BDKRB2: variants seen among roughly 807,000 people sequenced by gnomAD.
The protein encoded by BDKRB2 is bradykinin receptor B2.
Under a neutral mutation model 4.0 loss-of-function variants are expected in BDKRB2, and 6 were observed. The ratio of observed to expected loss-of-function variants is 1.49; its 90% confidence interval spans 0.81 to 2.93. The LOEUF (loss-of-function observed/expected upper bound fraction) is 2.93, where lower values mean the gene tolerates loss of function less well. Ranked by LOEUF, BDKRB2 falls within the 30% of genes most tolerant of loss-of-function variation. The pLI, the probability that BDKRB2 is intolerant of heterozygous loss-of-function variation, is 0.00. For synonymous variants in BDKRB2, 225 were observed against 215.3 expected, an observed-to-expected ratio of 1.05 and a Z score of -0.40; for missense variants, 478 against 520.1, an observed-to-expected ratio of 0.92 and a Z score of 0.79.
chr14:96,229,017 G>A (rs1890759328), intron 1 of BDKRB2, among the ~76,000 whole-genome samples: 1 of 152,196 alleles, frequency 6.6e-6, no homozygotes, highest in Non-Finnish European at 1.5e-5. Flanking sequence ...GGCTGGAACA[G>A]GTGGGGCACA....
chr14:96,212,491 TAGAA>T (rs1310981813), intron 1 of BDKRB2, among the ~76,000 whole-genome samples: 9 of 152,088 alleles, frequency 5.9e-5, no homozygotes, highest in Admixed American at 3.9e-4. Flanking sequence ...AATGACAAGT[TAGAA>T]AGGTAAAAAG....
At chr14:96,233,705 CT>C (rs1250191351) in intron 1 of BDKRB2, 3 of 152,186 alleles carry the variant, frequency 2.0e-5, no homozygotes, top group Non-Finnish European at 4.4e-5. Flanking sequence ...GTGGAGGCCA[CT>C]GCTTCAAAGG....
intron 2 of BDKRB2, chr14:96,239,770 T>G: frequency 1.0e-6 from 1 of 982,264 alleles, no homozygotes; most frequent in South Asian, 4.7e-5. Flanking sequence ...GCAGCCAGGA[T>G]GTGAACCCAG....
In BDKRB2 at chr14:96,240,660, C is replaced by G. The variant is rs1415161438; in HGVS notation, c.332C>G (p.Pro111Arg). The G allele has an allele frequency of 6.3e-7, 1 of 1,577,272 alleles. No individual in the cohort carries two copies. Among genetic ancestry groups the G allele is most frequent in the African/African-American group, 1.4e-5 (1 of 73,796 alleles). ...AADLILACGL[P>R]FWAITISNNF... Reference sequence around the variant, plus strand: ...GACCTGATCCTGGCCTGCGGGCTGCCCTTCTGGGCCATCACCATCTCCAAC... The same window carrying G: ...GACCTGATCCTGGCCTGCGGGCTGCGCTTCTGGGCCATCACCATCTCCAAC... Residue 111 changes from proline to arginine, a missense_variant, in exon 3 of 3, where the codon CCC (proline) becomes CGC (arginine). Transcript: ENST00000554311.
intron 2 of BDKRB2, chr14:96,239,514 A>G: frequency 1.0e-6 from 1 of 985,418 alleles, no homozygotes; most frequent in Non-Finnish European, 1.2e-6. Context: ...CCAGTGGGTT[A>G]AAGATGAGGT....
At chr14:96,229,110 C>G (rs1051434399) in intron 1 of BDKRB2, among the ~76,000 whole-genome samples, 1 of 152,172 alleles carries the variant, frequency 6.6e-6, no homozygotes, top group Non-Finnish European at 1.5e-5. Context: ...ACACCCTGCC[C>G]TCTATCAGTC....
chr14:96,218,294 ACTT>A (rs1890472915), intron 1 of BDKRB2, among the ~76,000 whole-genome samples: 2 of 151,992 alleles, frequency 1.3e-5, no homozygotes, highest in Admixed American at 1.3e-4. Context: ...GATTTTTCCA[ACTT>A]CTTTGGCTCT....
chr14:96,211,206 C>T (rs1001563502), intron 1 of BDKRB2: 1 of 152,242 alleles, frequency 6.6e-6, no homozygotes, highest in Non-Finnish European at 1.5e-5. Flanking sequence ...TTTCCCTCAG[C>T]CCCTAGCACC....
chr14:96,239,363 C>T (rs1885205674), intron 2 of BDKRB2: 1 of 985,282 alleles, frequency 1.0e-6, no homozygotes, highest in South Asian at 4.7e-5. Context: ...AGCATTTTGC[C>T]CAAGACCACA....
At chr14:96,205,356 G>A (rs770579980) in intron 1 of BDKRB2, among the ~76,000 whole-genome samples, 41 of 152,074 alleles carry the variant, frequency 2.7e-4, no homozygotes, top group Non-Finnish European at 5.0e-4. Flanking sequence ...TTCACCCACA[G>A]CTGTGCCACT....
At chr14:96,223,325 C>G (rs577597538) in intron 1 of BDKRB2, 27 of 1,045,862 alleles carry the variant, frequency 2.6e-5, no homozygotes, top group South Asian at 1.1e-4. Flanking sequence ...CGGCGCCCAC[C>G]ACCCAAGAAG....
chr14:96,243,033 T>C lies in BDKRB2; in HGVS notation c.*1529T>C. The C allele has an allele frequency of 7.9e-6, 1 of 127,060 alleles. No individual in the cohort carries two copies. Among genetic ancestry groups the C allele is most frequent in the Non-Finnish European group, 1.7e-5 (1 of 58,198 alleles). The allele number at this position is 127,060 out of a possible 1,614,324, so 7.9% of individuals were successfully genotyped here. On this transcript the variant is annotated 3_prime_UTR_variant, in exon 3 of 3. Transcript: ENST00000554311. The stretch of plus-strand genomic sequence containing the variant: ...CCTGGAGGGCTAGAACTGGAGAGGC[T>C]AGAACCAAGAAGGGCTAGAACCTGG...
chr14:96,231,709 G>A (rs1890822422), intron 1 of BDKRB2, among the ~76,000 whole-genome samples: 1 of 152,240 alleles, frequency 6.6e-6, no homozygotes, highest in South Asian at 2.1e-4. Context: ...CTTATTTACA[G>A]AGCGAATATT....
chr14:96,223,258 A>G (rs1032057450), intron 1 of BDKRB2: 11 of 1,052,402 alleles, frequency 1.0e-5, no homozygotes, highest in Non-Finnish European at 1.6e-5. Flanking sequence ...CGTTCAGCAG[A>G]GTCAGGGATG....
Position 96,241,655 on chromosome 14 carries a change from C to A in BDKRB2, c.*151C>A. The A allele has an allele frequency of 7.5e-7, 1 of 1,335,946 alleles. No homozygotes were observed. The highest frequency in any genetic ancestry group is 9.7e-7 in the Non-Finnish European group (1 of 1,026,948). The allele number at this position is 1,335,946 out of a possible 1,614,324, so 82.8% of individuals were successfully genotyped here. On this transcript the variant is annotated 3_prime_UTR_variant, in exon 3 of 3. Coordinates refer to ENST00000554311, the MANE Select transcript of BDKRB2 (RefSeq NM_001379692.1). ...TAAAACACCGGAGACTAATTCCTGC[C>A]CTGCCCAATTTTGCAGGGAGCATGG...
chr14:96,213,692 TGGAGAGAAAG>T (rs1262427698), intron 1 of BDKRB2, among the ~76,000 whole-genome samples: 1 of 151,946 alleles, frequency 6.6e-6, no homozygotes, highest in African/African-American at 2.4e-5. Context: ...GGGTGCACAG[TGGAGAGAAAG>T]GGTAGGGGAG....
At chr14:96,225,537 G>T (rs558597473) in intron 1 of BDKRB2, among the ~76,000 whole-genome samples, 1 of 152,128 alleles carries the variant, frequency 6.6e-6, no homozygotes, top group South Asian at 2.1e-4. Context: ...AGGAAGGAAC[G>T]GATGAAAGGG....
At chr14:96,239,784 G>A (rs1055635267) in intron 2 of BDKRB2, 1 of 984,600 alleles carries the variant, frequency 1.0e-6, no homozygotes, top group Admixed American at 6.2e-5. Context: ...AACCCAGTAG[G>A]ACTATCTGGC....
In BDKRB2 at chr14:96,210,259, G is replaced by A. The variant is rs543933347; in HGVS notation, c.-40+5300G>A. 2.2e-4 allele frequency among the ~76,000 whole-genome samples: 34 copies of A among 152,316 alleles called. No individual in the cohort carries two copies. The South Asian group carries it at 4.4e-3, about 19-fold the overall frequency. On this transcript the variant is annotated intron_variant, in intron 1 of 2. Transcript: ENST00000554311. ...ATAGTTATCCATTTAGACACAAAAC[G>A]GGAGGCGGGTTGCATGACCCAGCTC...
Sources: gnomAD v4.1 joint callset for allele counts (sites outside exome capture counted in the v4.1 genomes callset) on GRCh38, gnomAD v4.1.1 for gene constraint, MANE v1.5 for transcripts, NCBI Gene and HGNC (gene_info 2026-07-23, HGNC 2026-07-21) for gene names.